Variants in CD163L1 observed in about 807,000 individuals in gnomAD.
CD163L1 encodes the protein scavenger receptor cysteine-rich type 1 protein M160.
A neutral mutation model predicts 165.4 loss-of-function variants in CD163L1; 124 were observed. That is an observed-to-expected ratio of 0.75 (90% confidence interval 0.65 to 0.87). The LOEUF is 0.87. Ranked by LOEUF, CD163L1 falls within the 40% of genes least tolerant of loss-of-function variation. The probability of loss-of-function intolerance (pLI) is 0.00; values close to 1 mark genes in which losing one functional copy is unlikely to be tolerated. For synonymous variants in CD163L1, 585 were observed against 662.2 expected (o/e 0.88, Z 1.79); for missense variants, 1,525 against 1,799.9 (o/e 0.85, Z 2.76).
At chr12:7,360,091 C>G (rs1424645551) in intron 18 of CD163L1, among the ~76,000 whole-genome samples, 1 of 152,046 alleles carries the variant, frequency 6.6e-6, no homozygotes, top group African/African-American at 2.4e-5. Flanking sequence ...AAAAAAAATT[C>G]CTGCACCATG....
At chr12:7,442,756 C>T (rs1179835746) in intron 1 of CD163L1, among the ~76,000 whole-genome samples, 1 of 152,126 alleles carries the variant, frequency 6.6e-6, no homozygotes, top group Non-Finnish European at 1.5e-5. Flanking sequence ...CCTAGGAGGC[C>T]ATTTCATCTT....
rs370461410 is a variant in CD163L1 at position 7,347,924 on chromosome 12, G to A, written c.*25-777C>T. Reference sequence around the variant, plus strand: ...GAACTATTATTGAGTTTCCACATGAGCTTCACATGTCATTCAAATGTCCAC... The same window carrying A: ...GAACTATTATTGAGTTTCCACATGAACTTCACATGTCATTCAAATGTCCAC... On this transcript the variant is annotated intron_variant, in intron 4 of 4. Transcript: ENST00000539726. This position sits in a 1 kb window ranked among gnomAD's most constrained non-coding sequence, Gnocchi z 4.2. Among the ~76,000 whole-genome samples the A allele has an allele frequency of 2.0e-5, 3 of 152,230 alleles. No individual in the cohort carries two copies. In the East Asian group the frequency reaches 5.8e-4, roughly 29 times the overall value.
chr12:7,411,002 G>T lies in CD163L1; in HGVS notation c.767-4150C>A, dbSNP rs1050089345. ...CTAAGCACATAATGGTAAAATAGCT[G>T]GAAACTAAAGAGAGAAAAAAGAAAA... On this transcript the variant is annotated intron_variant, in intron 4 of 19. Coordinates refer to ENST00000313599, the MANE Select transcript of CD163L1 (RefSeq NM_174941.6). 3.3e-5 allele frequency among the ~76,000 whole-genome samples: 5 copies of T among 151,410 alleles called. No homozygotes were observed. In the South Asian group the frequency reaches 1.0e-3, roughly 32 times the overall value.
intron 1 of CD163L1, among the ~76,000 whole-genome samples, chr12:7,442,822 A>T (rs12299929): frequency 2.0e-4 from 31 of 152,244 alleles, no homozygotes; most frequent in African/African-American, 7.2e-4. Context: ...TTAGAGCTAA[A>T]GATGAACTAT....
At position 7,421,601 on chromosome 12, in the gene CD163L1, GTACACATATACATATATGTACATATA is replaced by G. The variant is rs1565810734; in HGVS notation, c.766+10789_766+10814del. Among the ~76,000 whole-genome samples the G allele has an allele frequency of 1.3e-3, 13 of 10,146 alleles. 1 individual carries two copies. The highest frequency in any genetic ancestry group is 0.012 in the South Asian group (3 of 254). The allele number at this position is 10,146 out of a possible 152,430, so 6.7% of individuals were successfully genotyped here. A position where few individuals can be genotyped will look rare whatever the true frequency, so the allele number is the denominator to read the frequency against. On this transcript the variant is annotated intron_variant, in intron 4 of 19. Coordinates refer to ENST00000313599, the MANE Select transcript of CD163L1 (RefSeq NM_174941.6). Reference sequence around the variant, plus strand: ...TGTACATATATACATATACATATATGTACACATATACATATATGTACATATATACATATATGTACACATATACATAT... The same window carrying G: ...TGTACATATATACATATACATATATGTACATATATGTACACATATACATAT...
rs1565817376 is a variant in CD163L1 at position 7,432,560 on chromosome 12, C to G, written c.622G>C (p.Val208Leu). 6.2e-7 allele frequency: 1 copy of G among 1,613,998 alleles called. No individual in the cohort carries two copies. Among genetic ancestry groups the G allele is most frequent in the African/African-American group, 1.3e-5 (1 of 74,902 alleles). ...CPSSFISSGV[V>L]NSPAVLRPIW... ...GGGCGCAATACAGCAGGGCTATTAA[C>G]AACTCCAGAAGAAATAAAAGAAGAT... is the stretch of plus-strand genomic sequence containing the variant. Residue 208 changes from valine to leucine, a missense_variant, in exon 4 of 20, where the codon GTT (valine) becomes CTT (leucine). Transcript: ENST00000313599. This position sits in a 1 kb window ranked among gnomAD's most constrained non-coding sequence, Gnocchi z 4.2.
the CD163L1 span, among the ~76,000 whole-genome samples, chr12:7,331,679 G>T: frequency 1.3e-4 from 20 of 152,328 alleles, no homozygotes; most frequent in East Asian, 3.9e-3. Context: ...ACAGGGTCTG[G>T]AATGGACCTC....
At chr12:7,328,365 G>A in the CD163L1 span, 5 of 1,586,992 alleles carry the variant, frequency 3.2e-6, no homozygotes, top group Non-Finnish European at 4.3e-6. Context: ...AGAATGGAGA[G>A]GAAGATAGTT....
intron 8 of CD163L1, among the ~76,000 whole-genome samples, chr12:7,388,395 G>C (rs1947566596): frequency 1.3e-5 from 2 of 152,142 alleles, no homozygotes; most frequent in South Asian, 4.2e-4. Flanking sequence ...CTAATATCCA[G>C]AATATTTTAA....
chr12:7,326,287 C>G, the CD163L1 span, among the ~76,000 whole-genome samples: 1 of 152,174 alleles, frequency 6.6e-6, no homozygotes, highest in Non-Finnish European at 1.5e-5. Context: ...ACTGTAACCT[C>G]TCAAACTGCT....
At position 7,433,360 on chromosome 12, in the gene CD163L1, A is replaced by G. The variant is rs1446064995; in HGVS notation, c.445+14T>C. ...AGGTCTTACCTTGCCTTCCTACTCTAGTTAGACTCTTACCATAACAGTTCA... is the reference window on the plus strand; with the variant it reads ...AGGTCTTACCTTGCCTTCCTACTCTGGTTAGACTCTTACCATAACAGTTCA... On this transcript the variant is annotated intron_variant, in intron 3 of 19. Coordinates refer to ENST00000313599, the MANE Select transcript of CD163L1 (RefSeq NM_174941.6). 1 of 1,569,824 alleles carries G rather than the reference A, an allele frequency of 6.4e-7. No homozygotes were observed. Among genetic ancestry groups the G allele is most frequent in the African/African-American group, 1.3e-5 (1 of 74,244 alleles).
At chr12:7,413,696 G>A (rs1424232999) in intron 4 of CD163L1, among the ~76,000 whole-genome samples, 2 of 152,210 alleles carry the variant, frequency 1.3e-5, no homozygotes, top group South Asian at 2.1e-4. Context: ...TCCTCAGACG[G>A]TGTGTGTATC....
At chr12:7,401,594 A>G (rs533604537) in intron 6 of CD163L1, among the ~76,000 whole-genome samples, 15 of 152,128 alleles carry the variant, frequency 9.9e-5, no homozygotes, top group Non-Finnish European at 1.6e-4. Context: ...TTTAAAACTT[A>G]ACATTATGAG....
intron 4 of CD163L1, among the ~76,000 whole-genome samples, chr12:7,349,619 C>T (rs1037151709): frequency 3.3e-5 from 5 of 152,182 alleles, no homozygotes; most frequent in Admixed American, 1.3e-4. Context: ...GTCGTGGCCA[C>T]ACCAAACGAT....
At chr12:7,322,627 C>G in the CD163L1 span, 1 of 1,477,434 alleles carries the variant, frequency 6.8e-7, no homozygotes, top group East Asian at 2.3e-5. Context: ...GTGCCCCCAT[C>G]CCACTGTAAA....
chr12:7,403,438 T>C lies in CD163L1; in HGVS notation c.1408+97A>G, dbSNP rs1027450172. 2.5e-6 allele frequency: 3 copies of C among 1,205,596 alleles called. No homozygotes were observed. The African/African-American group carries it at 4.6e-5, about 18-fold the overall frequency. 74.7% of individuals were successfully genotyped at this position (1,205,596 alleles called of 1,614,324 possible). On this transcript the variant is annotated intron_variant, in intron 6 of 19. Transcript: ENST00000313599. ...GAGTATTTTGGGTTTTTTTTTAAGG[T>C]CCAGAAAACCTTTTCTTCAAGCTAT...
chr12:7,433,715 T>C (rs749298369), intron 2 of CD163L1, 21 bp from the exon 3 acceptor site: 30 of 1,563,606 alleles, frequency 1.9e-5, no homozygotes, highest in Admixed American at 1.6e-4. Context: ...GACAGAAACA[T>C]ACATTAGAGA....
intron 4 of CD163L1, among the ~76,000 whole-genome samples, chr12:7,427,230 A>G (rs757498639): frequency 3.9e-5 from 6 of 152,138 alleles, no homozygotes; most frequent in Non-Finnish European, 8.8e-5. Flanking sequence ...CATTCCATCT[A>G]AAGTAGCAGA....
intron 18 of CD163L1, among the ~76,000 whole-genome samples, chr12:7,361,255 C>T (rs1187547883): frequency 6.6e-6 from 1 of 152,114 alleles, no homozygotes. Context: ...TACTTCAAGA[C>T]CTCTTCTCCA....
Sources: allele counts gnomAD v4.1 joint callset (sites outside exome capture counted in the v4.1 genomes callset), GRCh38; gene constraint gnomAD v4.1.1; non-coding constraint Gnocchi (gnomAD v3.1); transcripts MANE v1.5; gene names NCBI Gene and HGNC (gene_info 2026-07-23, HGNC 2026-07-21).